Variants in MBD5 observed in about 807,000 individuals in gnomAD.
The protein encoded by MBD5 is methyl-CpG binding domain protein 5, also known as methyl-CpG-binding domain protein 5.
MBD5 carries 13 observed loss-of-function variants against 117.3 expected under a neutral mutation model. That is an observed-to-expected ratio of 0.11 (90% CI 0.07 to 0.18). The LOEUF (loss-of-function observed/expected upper bound fraction) is 0.18, where lower values mean the gene tolerates loss of function less well. Among genes scored for constraint, MBD5 ranks in the 10% least tolerant of loss-of-function variants. MBD5 has a pLI of 1.00. For missense variants in MBD5, 1,879 were observed against 2,093.8 expected, an observed-to-expected ratio of 0.90 and a Z score of 2.00; for synonymous variants, 727 against 766.4, an observed-to-expected ratio of 0.95 and a Z score of 0.85.
At chr2:148,245,005 C>A (rs1033593182) in intron 3 of MBD5, among the ~76,000 whole-genome samples, 2 of 151,992 alleles carry the variant, frequency 1.3e-5, no homozygotes, top group Non-Finnish European at 2.9e-5. Flanking sequence ...GCATGCTTTA[C>A]AAAATTATGA....
At chr2:148,426,197 A>G (rs1705777857) in intron 4 of MBD5, among the ~76,000 whole-genome samples, 1 of 152,272 alleles carries the variant, frequency 6.6e-6, no homozygotes, top group Non-Finnish European at 1.5e-5. Flanking sequence ...GGGTAGGAAG[A>G]ATCAATATTG....
At chr2:148,128,379 A>G (rs985920938) in intron 1 of MBD5, among the ~76,000 whole-genome samples, 1 of 152,166 alleles carries the variant, frequency 6.6e-6, no homozygotes, top group African/African-American at 2.4e-5. Flanking sequence ...GATCCTTATA[A>G]TAGCCTTGTA....
intron 9 of MBD5, 69 bp from the exon 10 acceptor site, chr2:148,485,673 G>A (rs1367870712): frequency 1.7e-6 from 2 of 1,193,862 alleles, no homozygotes; most frequent in Non-Finnish European, 2.4e-6. Flanking sequence ...GGAATTCTCG[G>A]GTACAAAGAG....
intron 1 of MBD5, among the ~76,000 whole-genome samples, chr2:148,122,860 T>A (rs958789415): frequency 6.6e-6 from 1 of 152,210 alleles, no homozygotes; most frequent in Non-Finnish European, 1.5e-5. Context: ...GCCATTTTTA[T>A]CACCTTCAAA....
At chr2:148,342,511 G>T (rs575423806) in intron 4 of MBD5, among the ~76,000 whole-genome samples, 175 bp downstream of exon 4, 1 of 151,960 alleles carries the variant, frequency 6.6e-6, no homozygotes, top group Non-Finnish European at 1.5e-5. Flanking sequence ...ATTGGAAAAT[G>T]AATACATGTT....
intron 1 of MBD5, among the ~76,000 whole-genome samples, chr2:148,082,832 A>T (rs1384151495): frequency 6.6e-6 from 1 of 152,236 alleles, no homozygotes; most frequent in East Asian, 1.9e-4. Flanking sequence ...ATTCAAGATC[A>T]TCTGGTTTGT....
In MBD5 at chr2:148,112,554, C is replaced by T. The variant is rs117833467; in HGVS notation, c.-924-66146C>T. 2.4e-3 allele frequency among the ~76,000 whole-genome samples: 365 copies of T among 152,240 alleles called. 7 individuals carry two copies. Among genetic ancestry groups the T allele is most frequent in the Admixed American group, 0.017 (255 of 15,294 alleles). ...AAGCATGAGGAATTATCACATGAGC[C>T]TCTTTGCAGTTCATGGTTTACAGTA... On this transcript the variant is annotated intron_variant, in intron 1 of 13. Coordinates refer to ENST00000642680, the MANE Select transcript of MBD5 (RefSeq NM_001378120.1).
At chr2:148,265,848 C>A (rs577955703) in intron 3 of MBD5, among the ~76,000 whole-genome samples, 2 of 152,040 alleles carry the variant, frequency 1.3e-5, no homozygotes, top group Non-Finnish European at 2.9e-5. Context: ...TGGAGATAGA[C>A]AAGCTGCTTA....
At chr2:148,500,493 G>A (rs1681839706) in intron 11 of MBD5, among the ~76,000 whole-genome samples, 1 of 151,932 alleles carries the variant, frequency 6.6e-6, no homozygotes, top group Non-Finnish European at 1.5e-5. Flanking sequence ...ATAAAACAGT[G>A]CCTTTTACAT....
intron 2 of MBD5, among the ~76,000 whole-genome samples, chr2:148,195,578 T>C (rs1425779162): frequency 5.3e-5 from 8 of 152,132 alleles, no homozygotes; most frequent in Non-Finnish European, 2.9e-5. Context: ...GTAGAACATA[T>C]GCCTAATAAC....
chr2:148,495,983 T>A (rs557111488), intron 11 of MBD5, among the ~76,000 whole-genome samples: 1 of 152,352 alleles, frequency 6.6e-6, no homozygotes, highest in South Asian at 2.1e-4. Flanking sequence ...AGGTGCGTCC[T>A]CCTGTGATGT....
chr2:148,444,370 G>T (rs185214654), intron 4 of MBD5, among the ~76,000 whole-genome samples: 21 of 151,190 alleles, frequency 1.4e-4, no homozygotes, highest in African/African-American at 4.9e-4. Flanking sequence ...CAAGAAAACA[G>T]CATTTGCTTA....
At chr2:148,211,441 A>G (rs1699419425) in intron 2 of MBD5, among the ~76,000 whole-genome samples, 1 of 152,168 alleles carries the variant, frequency 6.6e-6, no homozygotes. Flanking sequence ...CTTTAAAACT[A>G]CTTTCAGCGT....
intron 2 of MBD5, among the ~76,000 whole-genome samples, chr2:148,218,508 A>C (rs1472388610): frequency 2.0e-5 from 3 of 152,210 alleles, no homozygotes; most frequent in African/African-American, 7.2e-5. Flanking sequence ...ATGGCAATCT[A>C]TTCTACCACA....
intron 4 of MBD5, among the ~76,000 whole-genome samples, chr2:148,364,293 C>G (rs1440005093): frequency 6.6e-6 from 1 of 152,138 alleles, no homozygotes; most frequent in Non-Finnish European, 1.5e-5. Context: ...CAAGCAAATG[C>G]TGAGAGATTT....
chr2:148,431,456 CAG>C (rs1705981146), intron 4 of MBD5, among the ~76,000 whole-genome samples: 1 of 151,958 alleles, frequency 6.6e-6, no homozygotes, highest in Non-Finnish European at 1.5e-5. Context: ...CTGCATGTCA[CAG>C]GGGTTTGGTG....
chr2:148,260,691 C>G, intron 3 of MBD5: 1 of 207,936 alleles, frequency 4.8e-6, no homozygotes, highest in Non-Finnish European at 1.0e-5. Flanking sequence ...AGATGCTGCT[C>G]TACCCAGGTC....
intron 3 of MBD5, chr2:148,296,045 G>C (rs1259177264): frequency 1.2e-5 from 2 of 170,350 alleles, no homozygotes; most frequent in South Asian, 3.1e-4. Flanking sequence ...GATATATTTT[G>C]TTCTATATCA....
rs865780285 is a variant in MBD5 at position 148,189,227 on chromosome 2, G to A, written c.-831+10434G>A. Among the ~76,000 whole-genome samples, 754 of 147,480 alleles carry A rather than the reference G, an allele frequency of 5.1e-3. 8 individuals are homozygous for A. Among genetic ancestry groups the A allele is most frequent in the Middle Eastern group, 7.1e-3 (2 of 282 alleles). ...GCTTGCTTAGGTAAACAAAGCAGCC[G>A]GGAAGCTCGAACTGGGTGGAGCCCA... On this transcript the variant is annotated intron_variant, in intron 2 of 13. Transcript: ENST00000642680.
Sources: gnomAD v4.1 joint callset for allele counts (sites outside exome capture counted in the v4.1 genomes callset) on GRCh38, gnomAD v4.1.1 for gene constraint, MANE v1.5 for transcripts, NCBI Gene and HGNC (gene_info 2026-07-23, HGNC 2026-07-21) for gene names.